The following ZNHIT6 variants were observed in gnomAD, a reference collection of about 807,000 sequenced individuals.
ZNHIT6 encodes the protein zinc finger HIT-type containing 6.
ZNHIT6 carries 45 observed loss-of-function variants against 57.2 expected under a neutral mutation model. The ratio of observed to expected loss-of-function variants is 0.79; its 90% CI spans 0.62 to 1.01. The LOEUF (loss-of-function observed/expected upper bound fraction) is 1.01. ZNHIT6 is among the 50% of genes least tolerant of loss of function. The probability of loss-of-function intolerance (pLI) is 0.00; values close to 1 mark genes in which losing one functional copy is unlikely to be tolerated. For synonymous variants in ZNHIT6, 188 were observed against 190.0 expected (o/e 0.99, Z 0.09); for missense variants, 528 against 567.3 (o/e 0.93, Z 0.70).
chr1:85,689,811 A>G (rs1424464081), intron 5 of ZNHIT6, among the ~76,000 whole-genome samples: 1 of 152,164 alleles, frequency 6.6e-6, no homozygotes, highest in Non-Finnish European at 1.5e-5. Context: ...GTAGGGGGCA[A>G]GGAATGGGAA....
chr1:85,663,874 ACT>A (rs1227318326), intron 8 of ZNHIT6, among the ~76,000 whole-genome samples: 3 of 151,786 alleles, frequency 2.0e-5, no homozygotes. Context: ...AGGCCCCCAA[ACT>A]CTCTGGCTTG....
intron 4 of ZNHIT6, among the ~76,000 whole-genome samples, chr1:85,703,792 A>C (rs1662604921): frequency 6.6e-6 from 1 of 152,210 alleles, no homozygotes; most frequent in Admixed American, 6.5e-5. Flanking sequence ...TGACTACATT[A>C]AAACTAAGAA....
intron 1 of ZNHIT6, 38 bp from the exon 2 acceptor site, chr1:85,706,545 T>C (rs1175872999): frequency 1.4e-6 from 2 of 1,462,940 alleles, no homozygotes; most frequent in African/African-American, 1.5e-5. Flanking sequence ...TTATCAAATA[T>C]TAATTGTATT....
intron 8 of ZNHIT6, among the ~76,000 whole-genome samples, chr1:85,662,078 C>T (rs1483134240): frequency 6.6e-6 from 1 of 150,650 alleles, no homozygotes; most frequent in African/African-American, 2.4e-5. Context: ...AATCTTGACT[C>T]TGTCACTAAC....
At chr1:85,687,282 AAAAAACAAAAAAAAAAC>A (rs1486818515) in intron 5 of ZNHIT6, among the ~76,000 whole-genome samples, 7 of 75,148 alleles carry the variant, frequency 9.3e-5, no homozygotes, top group African/African-American at 2.9e-4. Context: ...AGACTATCTC[AAAAAACAAAAAAAAAAC>A]AAAAAAAAAA....
chr1:85,694,019 A>G (rs1662290384), intron 5 of ZNHIT6, among the ~76,000 whole-genome samples: 1 of 152,214 alleles, frequency 6.6e-6, no homozygotes, highest in South Asian at 2.1e-4. Flanking sequence ...CTGACTATAT[A>G]TGAAATTTTA....
At chr1:85,664,646 G>A (rs956225650) in intron 8 of ZNHIT6, among the ~76,000 whole-genome samples, 3 of 152,082 alleles carry the variant, frequency 2.0e-5, no homozygotes, top group Non-Finnish European at 2.9e-5. Context: ...AGGAGGGAAA[G>A]GAGCAGAAAG....
chr1:85,684,145 A>G (rs1661958835), intron 5 of ZNHIT6, among the ~76,000 whole-genome samples: 1 of 152,212 alleles, frequency 6.6e-6, no homozygotes, highest in Non-Finnish European at 1.5e-5. Context: ...AAATGGTATT[A>G]CTATACCTAG....
intron 8 of ZNHIT6, among the ~76,000 whole-genome samples, chr1:85,659,102 A>G (rs1183900513): frequency 6.6e-6 from 1 of 152,180 alleles, no homozygotes; most frequent in African/African-American, 2.4e-5. Flanking sequence ...AGAAATTTAT[A>G]TTGCCATGTA....
chr1:85,677,484 T>C (rs1277927798), intron 7 of ZNHIT6, among the ~76,000 whole-genome samples, 171 bp from the exon 8 acceptor site: 2 of 152,190 alleles, frequency 1.3e-5, no homozygotes, highest in African/African-American at 4.8e-5. Flanking sequence ...AAATAATTTT[T>C]TTCCTTTGTT....
intron 8 of ZNHIT6, among the ~76,000 whole-genome samples, chr1:85,667,219 A>G (rs979199651): frequency 6.6e-6 from 1 of 152,146 alleles, no homozygotes; most frequent in Non-Finnish European, 1.5e-5. Context: ...CCATTTAATA[A>G]TAATACAATT....
At chr1:85,663,563 G>A (rs554464303) in intron 8 of ZNHIT6, among the ~76,000 whole-genome samples, 21 of 152,300 alleles carry the variant, frequency 1.4e-4, no homozygotes, top group Admixed American at 2.6e-4. Context: ...AGTCTGCTAG[G>A]TAATGGAAGT....
intron 9 of ZNHIT6, among the ~76,000 whole-genome samples, chr1:85,656,074 T>C (rs554707682): frequency 2.0e-5 from 3 of 152,260 alleles, no homozygotes; most frequent in East Asian, 1.9e-4. Context: ...TGCCCTCTTC[T>C]TACATAATCC....
chr1:85,659,798 C>T (rs1661174621), intron 8 of ZNHIT6, among the ~76,000 whole-genome samples: 1 of 152,192 alleles, frequency 6.6e-6, no homozygotes, highest in South Asian at 2.1e-4. Context: ...CAGAGCCAAG[C>T]TTACTAAAGT....
chr1:85,671,449 T>C, intron 8 of ZNHIT6, among the ~76,000 whole-genome samples: 1 of 151,816 alleles, frequency 6.6e-6, no homozygotes, highest in East Asian at 1.9e-4. Context: ...AGTAAGACCC[T>C]GTCTCTTAAA....
intron 8 of ZNHIT6, among the ~76,000 whole-genome samples, chr1:85,675,829 A>C (rs1661685289): frequency 6.6e-6 from 1 of 152,062 alleles, no homozygotes; most frequent in African/African-American, 2.4e-5. Context: ...CCCACACATA[A>C]CCCACAGGTT....
chr1:85,707,638 G>C lies in ZNHIT6; in HGVS notation c.647C>G (p.Ala216Gly). 6.5e-7 allele frequency: 1 copy of C among 1,549,222 alleles called. No homozygotes were observed. The highest frequency in any genetic ancestry group is 8.7e-7 in the Non-Finnish European group (1 of 1,152,308). The change falls in exon 1 of 10, where the codon GCC becomes GGC. Residue 216 changes from alanine to glycine, a missense_variant. By Grantham distance (60) the Ala-to-Gly change is moderately conservative (BLOSUM62 0). Transcript: ENST00000370574. Reference protein sequence around the residue: ...NHPVGCKRKLAMSRCETCGTE... With the variant: ...NHPVGCKRKLGMSRCETCGTE... ...ATCCCCCATGCCCTACCTTGACATG[G>C]CCAGTTTCCGCTTGCAGCCCACCGG...
In ZNHIT6 at chr1:85,650,815, G is replaced by A. The variant is rs1660883485; in HGVS notation, c.*3243C>T. ...CTTGTGAGAACTAATCCATTCCCAC[G>A]ACAGCAAGAATGAGAACTCACTCAC... On this transcript the variant is annotated 3_prime_UTR_variant, in exon 10 of 10. Transcript: ENST00000370574. 6.6e-6 allele frequency: 1 copy of A among 152,104 alleles called. No homozygotes were observed. The highest frequency in any genetic ancestry group is 1.5e-5 in the Non-Finnish European group (1 of 68,014). 9.4% of individuals were successfully genotyped at this position (152,104 alleles called of 1,614,324 possible).
Position 85,696,175 on chromosome 1 carries a change from A to ATT in ZNHIT6, c.1019+5980_1019+5981dup, listed in dbSNP as rs11327941. Among the ~76,000 whole-genome samples the ATT allele has an allele frequency of 9.7e-3, 1,388 of 143,736 alleles. 52 individuals are homozygous for ATT. The highest frequency in any genetic ancestry group is 0.063 in the Admixed American group (902 of 14,424). 94.3% of individuals were successfully genotyped at this position (143,736 alleles called of 152,430 possible). ...AAATAATCGCTAATTTATTAACTGC[A>ATT]TTTTTTTTTTTTTTTTAGAGACAGG... is the stretch of plus-strand genomic sequence containing the variant. On this transcript the variant is annotated intron_variant, in intron 5 of 9. Coordinates refer to ENST00000370574, the MANE Select transcript of ZNHIT6 (RefSeq NM_017953.4).
Sources: allele counts gnomAD v4.1 joint callset (sites outside exome capture counted in the v4.1 genomes callset), GRCh38; gene constraint gnomAD v4.1.1; transcripts MANE v1.5; gene names NCBI Gene and HGNC (gene_info 2026-07-23, HGNC 2026-07-21).